SVIL: variants seen among roughly 807,000 people sequenced by gnomAD.
SVIL encodes the protein archvillin.
In SVIL, 101 loss-of-function variants were observed where a neutral mutation model predicts 240.4. The observed-to-expected ratio is 0.42, with a 90% CI of 0.36 to 0.50. SVIL has a LOEUF of 0.50. Ranked by LOEUF, SVIL falls within the 20% of genes least tolerant of loss-of-function variation. The pLI is 0.01. For missense variants in SVIL, 2,512 were observed against 2,818.7 expected (o/e 0.89, Z 2.46); for synonymous variants, 999 against 1,100.0 (o/e 0.91, Z 1.82).
intron 2 of SVIL, among the ~76,000 whole-genome samples, chr10:29,681,865 C>A (rs938283534): frequency 6.6e-6 from 1 of 152,144 alleles, no homozygotes; most frequent in Non-Finnish European, 1.5e-5. Flanking sequence ...GGGCTTCTTA[C>A]ACAGGCTAGG....
intron 16 of SVIL, among the ~76,000 whole-genome samples, chr10:29,516,658 T>TG (rs1950221192): frequency 6.6e-6 from 1 of 152,246 alleles, no homozygotes; most frequent in Admixed American, 6.5e-5. Flanking sequence ...ACTGTGATGC[T>TG]GGGAGCCTGG....
intron 12 of SVIL, among the ~76,000 whole-genome samples, chr10:29,529,175 CAAAAAAA>C (rs66523560): frequency 4.4e-4 from 29 of 66,050 alleles, no homozygotes; most frequent in East Asian, 4.1e-3. Flanking sequence ...GACTCTCTCT[CAAAAAAA>C]AAAAAAAAAA....
rs546465715 is a variant in SVIL, at chr10:29,490,821, A to T, written c.4192+26T>A. 1.9e-6 allele frequency: 3 copies of T among 1,611,292 alleles called. No individual in the cohort carries two copies. The Admixed American group carries it at 5.0e-5, about 27-fold the overall frequency. ...GGAAGAAGCCATTCCCAAACACAGA[A>T]GCAGGGTGGGGGTTCAAATACTCAC... is the stretch of plus-strand genomic sequence containing the variant. On this transcript the variant is annotated intron_variant, in intron 22 of 37. Transcript: ENST00000355867.
At chr10:29,562,130 A>G (rs746900333) in intron 3 of SVIL, among the ~76,000 whole-genome samples, 4 of 152,224 alleles carry the variant, frequency 2.6e-5, no homozygotes, top group Non-Finnish European at 5.9e-5. Context: ...CTTTCAGAGT[A>G]GAAAAAATCT....
intron 6 of SVIL, among the ~76,000 whole-genome samples, chr10:29,541,373 A>T (rs536391876): frequency 1.3e-5 from 2 of 152,338 alleles, no homozygotes; most frequent in South Asian, 4.1e-4. Context: ...CCTGACTGGG[A>T]TGATGATTAT....
At chr10:29,597,924 G>C (rs1340228483) in intron 1 of SVIL, among the ~76,000 whole-genome samples, 1 of 151,934 alleles carries the variant, frequency 6.6e-6, no homozygotes, top group East Asian at 1.9e-4. Context: ...TTAAAAGCAG[G>C]GTGTCACAGA....
chr10:29,481,715 G>T lies in SVIL; in HGVS notation c.4969C>A (p.Arg1657=), dbSNP rs773145636. 14 of 1,613,606 alleles carry T rather than the reference G, an allele frequency of 8.7e-6. No homozygotes were observed. The South Asian group carries it at 1.4e-4, about 16-fold the overall frequency. Reference sequence around the variant, plus strand: ...CTCCCAAATATCGCCCAGTCGGGCCGCCCCTGTCCTTTTCTGTAGGGTGGG... The same window carrying T: ...CTCCCAAATATCGCCCAGTCGGGCCTCCCCTGTCCTTTTCTGTAGGGTGGG... The part of the protein sequence containing the change: ...NPLIPRKGQG[R]PDWAIFGRLT... Residue 1657 remains arginine, a synonymous_variant, in exon 28 of 38, where the codon CGG becomes AGG. Coordinates refer to ENST00000355867, the MANE Select transcript of SVIL (RefSeq NM_021738.3).
intron 17 of SVIL, among the ~76,000 whole-genome samples, chr10:29,503,771 G>T (rs1236952060): frequency 6.6e-6 from 1 of 152,158 alleles, no homozygotes; most frequent in Non-Finnish European, 1.5e-5. Context: ...AAGATGGCAG[G>T]TTTTCCCAAC....
chr10:29,730,845 C>A (rs143305326), intron 1 of SVIL, among the ~76,000 whole-genome samples: 1 of 152,100 alleles, frequency 6.6e-6, no homozygotes, highest in Non-Finnish European at 1.5e-5. Flanking sequence ...CACTGAATAT[C>A]CCAAAAAGGA....
intron 1 of SVIL, among the ~76,000 whole-genome samples, chr10:29,623,245 C>T (rs745379895): frequency 2.6e-5 from 4 of 152,224 alleles, no homozygotes; most frequent in Non-Finnish European, 4.4e-5. Flanking sequence ...AATCCACTTC[C>T]TCTGGTCCTG....
At chr10:29,498,972 C>A (rs1049298951) in intron 18 of SVIL, 144 bp downstream of exon 18, 26 of 1,222,640 alleles carry the variant, frequency 2.1e-5, no homozygotes, top group Non-Finnish European at 2.8e-5. Context: ...AAGAGCAAGA[C>A]CCTGTCTCTT....
intron 1 of SVIL, among the ~76,000 whole-genome samples, chr10:29,700,838 G>A (rs760044827): frequency 1.3e-5 from 2 of 152,036 alleles, no homozygotes; most frequent in Non-Finnish European, 2.9e-5. Flanking sequence ...CTGCAATCAC[G>A]ATTTCAGTCC....
chr10:29,529,440 C>T lies in SVIL; in HGVS notation c.2246+265G>A, dbSNP rs143471096. 7.4e-3 allele frequency among the ~76,000 whole-genome samples: 1,131 copies of T among 152,008 alleles called. 3 individuals are homozygous for T. The highest frequency in any genetic ancestry group is 0.01 in the Middle Eastern group (3 of 292). ...CACCAAGTTTCATGTTTCTATTTTC[C>T]GTTGTCAAAGAGATTTTTAAAATAT... On this transcript the variant is annotated intron_variant, in intron 12 of 37. Coordinates refer to ENST00000355867, the MANE Select transcript of SVIL (RefSeq NM_021738.3).
intron 1 of SVIL, among the ~76,000 whole-genome samples, chr10:29,625,754 G>A (rs752853015): frequency 1.2e-4 from 19 of 152,148 alleles, no homozygotes; most frequent in African/African-American, 4.1e-4. Flanking sequence ...GAGCCACCAC[G>A]CCCAGCCTCA....
chr10:29,569,613 A>T (rs1292619344), intron 1 of SVIL, among the ~76,000 whole-genome samples: 1 of 152,210 alleles, frequency 6.6e-6, no homozygotes, highest in Non-Finnish European at 1.5e-5. Flanking sequence ...TTACCATTTA[A>T]ATTTGTTATG....
intron 17 of SVIL, among the ~76,000 whole-genome samples, chr10:29,502,959 C>A (rs146793907): frequency 2.0e-5 from 3 of 152,050 alleles, no homozygotes; most frequent in African/African-American, 7.2e-5. Context: ...AGGATTAGGG[C>A]GGATTTAAGG....
At position 29,470,357 on chromosome 10, in the gene SVIL, A is replaced by C. The variant is rs1319662849; in HGVS notation, c.5762T>G (p.Leu1921Arg). The part of the protein sequence containing the change: ...SMVVLNVNKA[L>R]IYLWHGCKAQ... ...TTTGCATCCGTGCCACAGGTAGATG[A>C]GGGCCTTGTTGACGTTAAGCACCAC... The change falls in exon 32 of 38, where the codon CTC becomes CGC. Residue 1921 changes from leucine to arginine, a missense_variant. By Grantham distance (102) the Leu-to-Arg change is moderately radical. Around this residue, in one of 3 missense-constraint regions of SVIL, gnomAD observed 797 missense variants for 925.3 expected, o/e 0.86. Coordinates refer to ENST00000355867, the MANE Select transcript of SVIL (RefSeq NM_021738.3). 6.2e-7 allele frequency: 1 copy of C among 1,614,128 alleles called. No homozygotes were observed. The highest frequency in any genetic ancestry group is 1.7e-5 in the Admixed American group (1 of 60,032).
chr10:29,574,614 CA>C (rs1308136673), intron 1 of SVIL, among the ~76,000 whole-genome samples: 5 of 152,168 alleles, frequency 3.3e-5, no homozygotes, highest in Admixed American at 1.3e-4. Context: ...CTCAAGGTCA[CA>C]AAGCTTGTGG....
chr10:29,498,497 C>CAT (rs1197209686), intron 18 of SVIL, among the ~76,000 whole-genome samples: 5 of 152,186 alleles, frequency 3.3e-5, no homozygotes, highest in Admixed American at 1.3e-4. Context: ...CACTTGCACT[C>CAT]AATTCCAAAT....
Sources: allele counts gnomAD v4.1 joint callset (sites outside exome capture counted in the v4.1 genomes callset), GRCh38; gene constraint gnomAD v4.1.1; regional missense constraint gnomAD v4.1.1; transcripts MANE v1.5; gene names NCBI Gene and HGNC (gene_info 2026-07-23, HGNC 2026-07-21).